Variants in NEB observed in about 807,000 individuals in gnomAD.
NEB encodes nebulin.
In NEB, 512 loss-of-function variants were observed where a neutral mutation model predicts 952.2. The ratio of observed to expected loss-of-function variants is 0.54; its 90% CI spans 0.50 to 0.58. The LOEUF is 0.58. Among genes scored for constraint, NEB ranks in the 20% least tolerant of loss-of-function variants. The pLI is 0.00. For synonymous variants in NEB, 2,900 were observed against 3,149.8 expected (o/e 0.92, Z 2.66); for missense variants, 8,428 against 9,231.1 (o/e 0.91, Z 3.56).
chr2:151,646,595 T>A (rs957135373), intron 54 of NEB, among the ~76,000 whole-genome samples: 10 of 152,246 alleles, frequency 6.6e-5, no homozygotes, highest in Admixed American at 5.2e-4. Context: ...AAAAGATGTC[T>A]TATTCAAAGC....
At position 151,560,588 on chromosome 2, in the gene NEB, T is replaced by A; in HGVS notation, c.19314+4A>T. The A allele has an allele frequency of 6.2e-7, 1 of 1,605,470 alleles. No individual in the cohort carries two copies. Among genetic ancestry groups the A allele is most frequent in the Non-Finnish European group, 8.5e-7 (1 of 1,175,538 alleles). On this transcript the variant is annotated splice_donor_region_variant and intron_variant, in intron 124 of 181. Transcript: ENST00000397345. ...GAAAGCTGTCATGTTTTTGCTTTAC[T>A]TACATGGCTGGCCAGATGCTTCTGG...
chr2:151,727,768 G>A lies in NEB; in HGVS notation c.217C>T (p.Arg73Trp), dbSNP rs77994592. The A allele has an allele frequency of 1.1e-4, 176 of 1,613,688 alleles. No individual in the cohort carries two copies. In the African/African-American group the frequency reaches 1.8e-3, roughly 17 times the overall value. The stretch of plus-strand genomic sequence containing the variant: ...AACTTTGAAGGATCCACTTTCTTCC[G>A]GATGACCTTCCTCCTCTCCACCGGC... ...AKPVERRKVI[R>W]KKVDPSKFMT... The change falls in exon 5 of 182, where the codon CGG becomes TGG. Residue 73 changes from arginine to tryptophan, a missense_variant. Physicochemically the swap from Arg to Trp is moderately radical, Grantham distance 101 (BLOSUM62 -3). Transcript: ENST00000397345.
intron 132 of NEB, 34 bp from the exon 133 acceptor site, chr2:151,547,567 T>G: frequency 6.3e-7 from 1 of 1,599,160 alleles, no homozygotes; most frequent in Non-Finnish European, 8.6e-7. Flanking sequence ...AACATATGTA[T>G]TAGAGACCGA....
intron 131 of NEB, 45 bp from the exon 132 acceptor site, chr2:151,547,783 C>T (rs778872109): frequency 1.4e-5 from 18 of 1,325,542 alleles, no homozygotes; most frequent in Admixed American, 3.7e-5. Flanking sequence ...TAGGGGACGA[C>T]GAGGGCATCT....
At chr2:151,513,946 G>T (rs1342353158) in intron 159 of NEB, among the ~76,000 whole-genome samples, 1 of 152,176 alleles carries the variant, frequency 6.6e-6, no homozygotes, top group East Asian at 1.9e-4. Context: ...AGCATTCTCT[G>T]CTTAGAAGAT....
At chr2:151,725,082 T>G in intron 6 of NEB, 121 bp from the exon 7 acceptor site, 1 of 724,192 alleles carries the variant, frequency 1.4e-6, no homozygotes, top group Non-Finnish European at 2.3e-6. Flanking sequence ...CAAAGCATAG[T>G]TTCTGCATTT....
At position 151,491,690 on chromosome 2, in the gene NEB, CAT is replaced by C. The variant is rs1472403020; in HGVS notation, c.25141_25142del (p.Met8381AspfsTer2). The C allele has an allele frequency of 2.5e-6, 4 of 1,588,588 alleles. No homozygotes were observed. The highest frequency in any genetic ancestry group is 1.3e-5 in the African/African-American group (1 of 74,494). ...CTTTTTCAGCTAACACACCATTAATCATGTGTAAGCTTCGGGACTGGATGTTG... is the reference window on the plus strand; with the variant it reads ...CTTTTTCAGCTAACACACCATTAATCGTGTAAGCTTCGGGACTGGATGTTG... ...EDNIQSRSLH[M>X]INVQAQRRSR... On this transcript the variant is annotated frameshift_variant, in exon 179 of 182. Coordinates refer to ENST00000397345, the MANE Select transcript of NEB (RefSeq NM_001164508.2). LOFTEE classifies it high-confidence loss of function.
chr2:151,564,470 A>G (rs1211251272), intron 117 of NEB, among the ~76,000 whole-genome samples: 4 of 152,148 alleles, frequency 2.6e-5, no homozygotes, highest in African/African-American at 7.2e-5. Flanking sequence ...GGCATTTTAT[A>G]AGAGTTGACT....
chr2:151,532,577 T>C (rs1441306184), intron 143 of NEB, among the ~76,000 whole-genome samples: 10 of 152,144 alleles, frequency 6.6e-5, no homozygotes, highest in South Asian at 2.1e-4. Context: ...GCACAACTAT[T>C]TGAGGATCAT....
chr2:151,676,438 A>G (rs571135539), intron 34 of NEB, among the ~76,000 whole-genome samples: 4 of 152,312 alleles, frequency 2.6e-5, no homozygotes, highest in Non-Finnish European at 4.4e-5. Context: ...ACTTGGGGCC[A>G]GCATTGTCTT....
At position 151,668,919 on chromosome 2, in the gene NEB, C is replaced by T. The variant is rs146859476; in HGVS notation, c.4611+108G>A. ...TGGTTAAGGGTTTAATGTGGAGGCT[C>T]AGGGTCCACACTGAATTGCGCCCCC... On this transcript the variant is annotated intron_variant, in intron 39 of 181. Transcript: ENST00000397345. 1,499 of 797,500 alleles carry T rather than the reference C, an allele frequency of 1.9e-3. 16 individuals carry two copies. The African/African-American group carries it at 0.023, about 12-fold the overall frequency. The allele number at this position is 797,500 out of a possible 1,614,324, so 49.4% of individuals were successfully genotyped here.
chr2:151,654,676 A>C (rs2099068037), intron 51 of NEB, among the ~76,000 whole-genome samples: 1 of 152,230 alleles, frequency 6.6e-6, no homozygotes, highest in South Asian at 2.1e-4. Flanking sequence ...AATCTTATAC[A>C]GAATTTCCCA....
In NEB at chr2:151,492,512, G is replaced by A. The variant is rs2288195; in HGVS notation, c.24766-18C>T. On this transcript the variant is annotated intron_variant, in intron 176 of 181. Transcript: ENST00000397345. ...TAAAGAACCTGATGCAGGAGAGACCGTGAATGAGTGGTGCTGTCCTAAATC... is the reference window on the plus strand; with the variant it reads ...TAAAGAACCTGATGCAGGAGAGACCATGAATGAGTGGTGCTGTCCTAAATC... 0.66 allele frequency: 1,040,475 copies of A among 1,564,944 alleles called. 347,801 individuals carry two copies. Among genetic ancestry groups the A allele is most frequent in the East Asian group, 0.79 (35,407 of 44,588 alleles).
At chr2:151,722,088 A>G (rs2099775692) in intron 9 of NEB, among the ~76,000 whole-genome samples, 1 of 152,236 alleles carries the variant, frequency 6.6e-6, no homozygotes, top group Non-Finnish European at 1.5e-5. Flanking sequence ...ATCAGACCAT[A>G]GATTCCATTA....
chr2:151,558,081 C>G (rs1454295327), intron 124 of NEB, among the ~76,000 whole-genome samples: 1 of 152,192 alleles, frequency 6.6e-6, no homozygotes, highest in East Asian at 1.9e-4. Context: ...GTCAAATTGT[C>G]TCTGTTTGCA....
In NEB at chr2:151,499,401, C is replaced by A; in HGVS notation, c.24022-11G>T. 1 of 1,471,264 alleles carries A rather than the reference C, an allele frequency of 6.8e-7. No individual in the cohort carries two copies. Among genetic ancestry groups the A allele is most frequent in the Non-Finnish European group, 9.3e-7 (1 of 1,076,372 alleles). 91.1% of individuals were successfully genotyped at this position (1,471,264 alleles called of 1,614,324 possible). A position where few individuals can be genotyped will look rare whatever the true frequency, so the allele number is the denominator to read the frequency against. Reference sequence around the variant, plus strand: ...TTCTTTATACAACACCTGTATGACACAAGAAAGCATCCAGAAAAAACAAGA... The same window carrying A: ...TTCTTTATACAACACCTGTATGACAAAAGAAAGCATCCAGAAAAAACAAGA... On this transcript the variant is annotated splice_polypyrimidine_tract_variant and intron_variant, in intron 168 of 181. Coordinates refer to ENST00000397345, the MANE Select transcript of NEB (RefSeq NM_001164508.2).
At chr2:151,521,247 A>G (rs1249192265) in intron 153 of NEB, among the ~76,000 whole-genome samples, 1 of 152,172 alleles carries the variant, frequency 6.6e-6, no homozygotes, top group East Asian at 1.9e-4. Context: ...CAATGCTGAG[A>G]CTCCTTTACT....
Position 151,625,199 on chromosome 2 carries a change from G to A in NEB, c.10452+335C>T, listed in dbSNP as rs139386074. ...GGTAATTGAAGAAAATAAACTTGCC[G>A]CACAAATTTTGAAGCAAGTACTAAT... On this transcript the variant is annotated intron_variant, in intron 71 of 181. Transcript: ENST00000397345. Among the ~76,000 whole-genome samples the A allele has an allele frequency of 2.6e-3, 394 of 152,188 alleles. 2 individuals are homozygous for A. Among genetic ancestry groups the A allele is most frequent in the African/African-American group, 9.0e-3 (374 of 41,540 alleles).
At chr2:151,537,554 ATG>A (rs2093388733) in intron 140 of NEB, among the ~76,000 whole-genome samples, 1 of 152,186 alleles carries the variant, frequency 6.6e-6, no homozygotes, top group Non-Finnish European at 1.5e-5. Flanking sequence ...GAGCATTGTT[ATG>A]TGTCTTAATT....
Sources: allele counts gnomAD v4.1 joint callset (sites outside exome capture counted in the v4.1 genomes callset), GRCh38; gene constraint gnomAD v4.1.1; transcripts MANE v1.5; gene names NCBI Gene and HGNC (gene_info 2026-07-23, HGNC 2026-07-21).